HSPA12A: variants seen among roughly 807,000 people sequenced by gnomAD.
HSPA12A encodes heat shock protein family A (Hsp70) member 12A, also known as heat shock 70 kDa protein 12A.
In HSPA12A, 28 loss-of-function variants were observed where a neutral mutation model predicts 69.2. The observed-to-expected ratio is 0.40, with a 90% CI of 0.30 to 0.55. The LOEUF (loss-of-function observed/expected upper bound fraction) is 0.55, where lower values mean the gene tolerates loss of function less well. HSPA12A is among the 20% of genes least tolerant of loss of function. The probability of loss-of-function intolerance (pLI) is 0.38; values close to 1 mark genes in which losing one functional copy is unlikely to be tolerated. For synonymous variants in HSPA12A, 345 were observed against 370.5 expected, an observed-to-expected ratio of 0.93 and a Z score of 0.79; for missense variants, 686 against 900.7, an observed-to-expected ratio of 0.76 and a Z score of 3.05.
chr10:116,830,357 C>G (rs182360603), intron 2 of HSPA12A: 1 of 152,176 alleles, frequency 6.6e-6, no homozygotes, highest in Non-Finnish European at 1.5e-5. Context: ...ATTCTTTCTC[C>G]GCCTGCCTCT....
At chr10:116,725,035 G>A (rs933952332) in intron 1 of HSPA12A, among the ~76,000 whole-genome samples, 1 of 152,200 alleles carries the variant, frequency 6.6e-6, no homozygotes, top group Admixed American at 6.5e-5. Context: ...CCTGCCCAAA[G>A]CCTCACAGCG....
At chr10:116,816,182 A>G (rs1260265039) in intron 2 of HSPA12A, among the ~76,000 whole-genome samples, 1 of 152,238 alleles carries the variant, frequency 6.6e-6, no homozygotes, top group Non-Finnish European at 1.5e-5. Context: ...CCACTGGCTT[A>G]CTCAGCCTGA....
At chr10:116,728,659 C>G (rs151114669) in intron 1 of HSPA12A, among the ~76,000 whole-genome samples, 1 of 152,350 alleles carries the variant, frequency 6.6e-6, no homozygotes, top group Non-Finnish European at 1.5e-5. Context: ...TAACACAGCT[C>G]TCTAGATAGC....
At chr10:116,849,982 C>G (rs979444651), upstream of HSPA12A, 3 of 671,864 alleles carry the variant, frequency 4.5e-6, no homozygotes, top group African/African-American at 3.6e-5. Flanking sequence ...CGTATTTGAC[C>G]TGCAGCGGCA....
At chr10:116,779,387 G>A (rs1034640101) in intron 2 of HSPA12A, among the ~76,000 whole-genome samples, 3 of 152,186 alleles carry the variant, frequency 2.0e-5, no homozygotes, top group Non-Finnish European at 2.9e-5. Context: ...ACCCTGACAC[G>A]GTTGGGGAGA....
intron 1 of HSPA12A, among the ~76,000 whole-genome samples, chr10:116,708,835 T>C (rs1374978020): frequency 1.3e-5 from 2 of 152,186 alleles, no homozygotes; most frequent in Non-Finnish European, 2.9e-5. Context: ...TCAAAACCAG[T>C]GAGATATGGC....
Position 116,686,057 on chromosome 10 carries a change from T to C in HSPA12A, c.664-2095A>G, listed in dbSNP as rs1194307552. Reference sequence around the variant, plus strand: ...TAGGTGACATCGGTCAACAGGGCCCTGACTCAGGTGCATGACAGGATTTCC... The same window carrying C: ...TAGGTGACATCGGTCAACAGGGCCCCGACTCAGGTGCATGACAGGATTTCC... On this transcript the variant is annotated intron_variant, in intron 6 of 11. Transcript: ENST00000369209. The surrounding 1 kb of genome is among the most constrained non-coding windows in gnomAD (Gnocchi z 4.1). Among the ~76,000 whole-genome samples the C allele has an allele frequency of 6.6e-6, 1 of 152,178 alleles. No homozygotes were observed. Among genetic ancestry groups the C allele is most frequent in the Non-Finnish European group, 1.5e-5 (1 of 68,038 alleles).
intron 2 of HSPA12A, among the ~76,000 whole-genome samples, chr10:116,759,672 T>C (rs1293715791): frequency 6.6e-6 from 1 of 152,202 alleles, no homozygotes; most frequent in African/African-American, 2.4e-5. Flanking sequence ...TGCAGAGGGA[T>C]AGAAGACATC....
chr10:116,714,553 TC>T (rs1180513796), intron 1 of HSPA12A, among the ~76,000 whole-genome samples: 1 of 152,078 alleles, frequency 6.6e-6, no homozygotes, highest in South Asian at 2.1e-4. Context: ...GCCTGCCCCC[TC>T]CCCCAGACAC....
At chr10:116,830,805 A>G (rs185098431) in intron 2 of HSPA12A, 2 of 135,392 alleles carry the variant, frequency 1.5e-5, no homozygotes, top group Non-Finnish European at 2.9e-5. Flanking sequence ...CATATATACA[A>G]TATACATATA....
At chr10:116,690,970 G>C (rs1370223435) in intron 6 of HSPA12A, among the ~76,000 whole-genome samples, 1 of 152,198 alleles carries the variant, frequency 6.6e-6, no homozygotes, top group Non-Finnish European at 1.5e-5. Flanking sequence ...GCTGTGTCCC[G>C]ATGCCCCATT....
intron 2 of HSPA12A, chr10:116,830,466 C>T (rs1386558810): frequency 6.6e-6 from 1 of 152,084 alleles, no homozygotes; most frequent in Non-Finnish European, 1.5e-5. Flanking sequence ...GTATATGCTA[C>T]ACATGTATAT....
In HSPA12A at chr10:116,785,581, A is replaced by G. The variant is rs143496637; in HGVS notation, c.91+49354T>C. ...TGCAGGGGTCAGCAGGTGCCCACTCATAAAGCCCAGCTCACTCCCCAGCCT... is the reference window on the plus strand; with the variant it reads ...TGCAGGGGTCAGCAGGTGCCCACTCGTAAAGCCCAGCTCACTCCCCAGCCT... On this transcript the variant is annotated intron_variant, in intron 2 of 12. Transcript: ENST00000635765. 1.2e-4 allele frequency among the ~76,000 whole-genome samples: 18 copies of G among 152,138 alleles called. No homozygotes were observed. The East Asian group carries it at 3.5e-3, about 29-fold the overall frequency.
chr10:116,746,562 C>A (rs1044538635), upstream of HSPA12A, among the ~76,000 whole-genome samples: 2 of 152,196 alleles, frequency 1.3e-5, no homozygotes, highest in African/African-American at 4.8e-5. Context: ...TGGGACATAC[C>A]TCTCTGGGTC....
At chr10:116,763,115 A>G (rs1844007539) in intron 2 of HSPA12A, among the ~76,000 whole-genome samples, 1 of 152,210 alleles carries the variant, frequency 6.6e-6, no homozygotes, top group Non-Finnish European at 1.5e-5. Flanking sequence ...TGGTAAATGC[A>G]TAAAGAAGTT....
At chr10:116,702,195 T>C (rs1339249688) in intron 3 of HSPA12A, among the ~76,000 whole-genome samples, 2 of 151,918 alleles carry the variant, frequency 1.3e-5, no homozygotes, top group Admixed American at 6.6e-5. Context: ...GGAAACTCAA[T>C]GTATTCGCTC....
chr10:116,808,878 G>C (rs922957818), intron 2 of HSPA12A, among the ~76,000 whole-genome samples: 1 of 152,178 alleles, frequency 6.6e-6, no homozygotes, highest in Non-Finnish European at 1.5e-5. Context: ...CCTACAGTAG[G>C]CTACCGTAGG....
At chr10:116,804,838 G>T (rs144520935) in intron 2 of HSPA12A, among the ~76,000 whole-genome samples, 9 of 152,258 alleles carry the variant, frequency 5.9e-5, no homozygotes, top group African/African-American at 1.9e-4. Flanking sequence ...AAGAGGCCAG[G>T]GTTGAACAAG....
At chr10:116,779,586 T>C (rs1564817218) in intron 2 of HSPA12A, among the ~76,000 whole-genome samples, 1 of 152,300 alleles carries the variant, frequency 6.6e-6, no homozygotes, top group East Asian at 1.9e-4. Flanking sequence ...GAGGCTACTC[T>C]GTCAGCCCCA....
Sources: allele counts gnomAD v4.1 joint callset (sites outside exome capture counted in the v4.1 genomes callset), GRCh38; gene constraint gnomAD v4.1.1; non-coding constraint Gnocchi (gnomAD v3.1); transcripts MANE v1.5; gene names NCBI Gene and HGNC (gene_info 2026-07-23, HGNC 2026-07-21).